ZC3H12B: variants seen among roughly 807,000 people sequenced by gnomAD.
ZC3H12B encodes probable ribonuclease ZC3H12B.
A neutral mutation model predicts 43.9 loss-of-function variants in ZC3H12B; 7 were observed. The observed-to-expected ratio is 0.16, with a 90% CI of 0.09 to 0.30. ZC3H12B has a LOEUF of 0.30. ZC3H12B is among the 10% of genes least tolerant of loss of function. The probability of loss-of-function intolerance (pLI) is 1.00; values close to 1 mark genes in which losing one functional copy is unlikely to be tolerated. For synonymous variants in ZC3H12B, 222 were observed against 241.7 expected, an observed-to-expected ratio of 0.92 and a Z score of 0.76; for missense variants, 475 against 670.2, an observed-to-expected ratio of 0.71 and a Z score of 3.22.
chrX:65,081,198 G>A, the ZC3H12B span, among the ~76,000 whole-genome samples: 2 of 110,269 alleles, frequency 1.8e-5, no homozygotes, highest in Admixed American at 1.9e-4. Context: ...AGTAAAGAAA[G>A]ACAGCAAGAA....
At chrX:65,163,841 A>G in the ZC3H12B span, among the ~76,000 whole-genome samples, 1 of 112,209 alleles carries the variant, frequency 8.9e-6, no homozygotes, top group Non-Finnish European at 1.9e-5. Flanking sequence ...ATGGAAATTC[A>G]GAAATCACGC....
At chrX:65,447,320 T>A (rs1413423057) in intron 3 of ZC3H12B, among the ~76,000 whole-genome samples, 1 of 111,986 alleles carries the variant, frequency 8.9e-6, no homozygotes. Context: ...TCTTTGTGAT[T>A]TTTTTAATTT....
At chrX:65,464,887 T>TGG (rs1236430155) in intron 3 of ZC3H12B, among the ~76,000 whole-genome samples, 2 of 111,650 alleles carry the variant, frequency 1.8e-5, no homozygotes, top group African/African-American at 6.5e-5. Flanking sequence ...TTATTTAGAA[T>TGG]CATCTGATTG....
chrX:65,065,757 C>T, the ZC3H12B span, among the ~76,000 whole-genome samples: 2 of 110,675 alleles, frequency 1.8e-5, no homozygotes, highest in Non-Finnish European at 3.8e-5. Context: ...GTTATATTCT[C>T]TTTGTCAGTT....
At chrX:65,109,187 A>G in the ZC3H12B span, among the ~76,000 whole-genome samples, 12 of 111,549 alleles carry the variant, frequency 1.1e-4, no homozygotes, top group East Asian at 3.1e-3. Flanking sequence ...TACTTTGGGG[A>G]CACCTTTACT....
the ZC3H12B span, among the ~76,000 whole-genome samples, chrX:65,219,500 A>G: frequency 1.8e-5 from 2 of 111,573 alleles, no homozygotes; most frequent in South Asian, 7.5e-4. Context: ...CACATAGAGA[A>G]TTGTGAAATG....
At chrX:65,294,684 G>T in the ZC3H12B span, among the ~76,000 whole-genome samples, 39 of 111,833 alleles carry the variant, frequency 3.5e-4, no homozygotes, top group Admixed American at 9.5e-4. Context: ...TACACTAAAA[G>T]TGAGCAGGAG....
chrX:65,244,451 A>G, the ZC3H12B span, among the ~76,000 whole-genome samples: 1 of 110,387 alleles, frequency 9.1e-6, no homozygotes, highest in Non-Finnish European at 1.9e-5. Context: ...TACTTAATTC[A>G]TTAAAAAAAA....
the ZC3H12B span, among the ~76,000 whole-genome samples, chrX:65,088,055 AAACCATTGCCTT>A: frequency 8.9e-6 from 1 of 111,965 alleles, no homozygotes; most frequent in Non-Finnish European, 1.9e-5. Context: ...AAATATTTGG[AAACCATTGCCTT>A]AATACAGTCT....
chrX:65,135,828 G>A, the ZC3H12B span, among the ~76,000 whole-genome samples: 11 of 85,629 alleles, frequency 1.3e-4, no homozygotes, highest in Non-Finnish European at 2.0e-4. Flanking sequence ...TCTTCATTCT[G>A]TTGAGCACAT....
At chrX:65,128,071 G>A in the ZC3H12B span, among the ~76,000 whole-genome samples, 3 of 111,616 alleles carry the variant, frequency 2.7e-5, no homozygotes, top group Admixed American at 9.5e-5. Flanking sequence ...ATGCTTCTGT[G>A]GTAGTTCTTG....
intron 1 of ZC3H12B, among the ~76,000 whole-genome samples, chrX:65,490,639 T>C (rs180720445): frequency 9.0e-6 from 1 of 111,513 alleles, no homozygotes; most frequent in African/African-American, 3.3e-5. Context: ...TACTCTCTCA[T>C]ATCATTTTTT....
the ZC3H12B span, among the ~76,000 whole-genome samples, chrX:65,316,421 A>T: frequency 1.8e-5 from 2 of 112,082 alleles, no homozygotes; most frequent in East Asian, 2.8e-4. Flanking sequence ...AAGGTGACCT[A>T]AAAGTTTACA....
rs564238814 is a variant in ZC3H12B at position 65,411,726 on chromosome X, A to AAAATAAAT, written n.407+13049_407+13056dup. ...GGGCGACAGAGTGAGACTCCATCTC[A>AAAATAAAT]AAATAAATAAATAAATAAATAAATA... On this transcript the variant is annotated intron_variant and non_coding_transcript_variant, in intron 3 of 5. Transcript: ENST00000617377. Among the ~76,000 whole-genome samples the AAAATAAAT allele has an allele frequency of 6.8e-4, 73 of 107,721 alleles. 1 individual carries two copies. Among genetic ancestry groups the AAAATAAAT allele is most frequent in the Admixed American group, 3.1e-3 (31 of 9,974 alleles). 93.5% of individuals were successfully genotyped at this position (107,721 alleles called of 115,157 possible).
chrX:65,094,111 C>T, the ZC3H12B span, among the ~76,000 whole-genome samples: 1 of 110,137 alleles, frequency 9.1e-6, no homozygotes, highest in African/African-American at 3.3e-5. Context: ...TCCCCTCTTA[C>T]TCTTTCTCCT....
At chrX:65,062,288 T>A in the ZC3H12B span, among the ~76,000 whole-genome samples, 9 of 112,510 alleles carry the variant, frequency 8.0e-5, no homozygotes, top group East Asian at 2.5e-3. Context: ...TTTTTATGGT[T>A]TTAGGTCTTA....
At chrX:65,483,279 T>C (rs2068085204) in intron 3 of ZC3H12B, among the ~76,000 whole-genome samples, 1 of 111,754 alleles carries the variant, frequency 8.9e-6, no homozygotes, top group African/African-American at 3.3e-5. Context: ...CTATAAACTA[T>C]TCAAGAGCAC....
At chrX:65,352,467 T>TA in the ZC3H12B span, among the ~76,000 whole-genome samples, 1 of 101,608 alleles carries the variant, frequency 9.8e-6, no homozygotes, top group South Asian at 4.8e-4. Context: ...AAGTATAATT[T>TA]AAAAAAAAAA....
the ZC3H12B span, among the ~76,000 whole-genome samples, chrX:65,056,475 T>A: frequency 4.5e-5 from 5 of 111,786 alleles, no homozygotes; most frequent in Non-Finnish European, 9.4e-5. Flanking sequence ...TAATTTCTGT[T>A]TTTTTACATT....
Sources: gnomAD v4.1 joint callset for allele counts (sites outside exome capture counted in the v4.1 genomes callset) on GRCh38, gnomAD v4.1.1 for gene constraint, MANE v1.5 for transcripts, NCBI Gene and HGNC (gene_info 2026-07-23, HGNC 2026-07-21) for gene names.